The following PEX7 variants were observed in gnomAD, a reference collection of about 807,000 sequenced individuals.
PEX7 encodes the protein peroxisomal biogenesis factor 7.
Under a neutral mutation model 47.5 loss-of-function variants are expected in PEX7, and 34 were observed. The ratio of observed to expected loss-of-function variants is 0.72; its 90% CI spans 0.54 to 0.95. The LOEUF is 0.95. PEX7 is among the 40% of genes least tolerant of loss of function. PEX7 has a pLI of 0.00. For missense variants in PEX7, 394 were observed against 400.3 expected, an observed-to-expected ratio of 0.98 and a Z score of 0.13; for synonymous variants, 141 against 148.8, an observed-to-expected ratio of 0.95 and a Z score of 0.38.
chr6:136,847,103 C>T (rs1366424544), intron 5 of PEX7, among the ~76,000 whole-genome samples: 1 of 152,168 alleles, frequency 6.6e-6, no homozygotes, highest in African/African-American at 2.4e-5. Flanking sequence ...TGATGATGAG[C>T]ATTTTTTCAT....
At chr6:136,833,647 T>TA (rs1719151354) in intron 3 of PEX7, among the ~76,000 whole-genome samples, 1 of 152,254 alleles carries the variant, frequency 6.6e-6, no homozygotes. Context: ...TTATTACAAT[T>TA]GATAATAGCC....
chr6:136,829,878 A>G lies in PEX7; in HGVS notation c.339+3409A>G, dbSNP rs1774262659. 4.8e-6 allele frequency: 3 copies of G among 628,706 alleles called. No homozygotes were observed. In the South Asian group the frequency reaches 5.6e-5, roughly 12 times the overall value. The allele number at this position is 628,706 out of a possible 1,614,324, so 38.9% of individuals were successfully genotyped here. A position where few individuals can be genotyped will look rare whatever the true frequency, so the allele number is the denominator to read the frequency against. On this transcript the variant is annotated intron_variant, in intron 3 of 9. Coordinates refer to ENST00000318471, the MANE Select transcript of PEX7 (RefSeq NM_000288.4). ...TTTGAGCATGGGAGGTGGAGGTTGCAGTGAGCTGAGTTCGTGCCATTGCAC... is the reference window on the plus strand; with the variant it reads ...TTTGAGCATGGGAGGTGGAGGTTGCGGTGAGCTGAGTTCGTGCCATTGCAC...
chr6:136,833,842 T>G (rs1344405281), intron 3 of PEX7, among the ~76,000 whole-genome samples: 1 of 152,236 alleles, frequency 6.6e-6, no homozygotes, highest in Non-Finnish European at 1.5e-5. Flanking sequence ...TTTTAAAGTT[T>G]AGACTTGTAT....
At chr6:136,891,134 G>C (rs754626372) in intron 8 of PEX7, among the ~76,000 whole-genome samples, 1 of 152,136 alleles carries the variant, frequency 6.6e-6, no homozygotes, top group Non-Finnish European at 1.5e-5. Flanking sequence ...CAGCATCCCT[G>C]TGGATCTCTG....
chr6:136,884,963 C>T lies in PEX7; in HGVS notation c.803+12710C>T, dbSNP rs531479136. Among the ~76,000 whole-genome samples, 6 of 152,262 alleles carry T rather than the reference C, an allele frequency of 3.9e-5. No homozygotes were observed. In the East Asian group the frequency reaches 1.2e-3, roughly 29 times the overall value. On this transcript the variant is annotated intron_variant, in intron 8 of 9. Transcript: ENST00000318471. ...ATCATCGTAGATTTTAGCATATTAT[C>T]TTTTTCCTATATACTGTCCCTTAAG...
intron 5 of PEX7, among the ~76,000 whole-genome samples, chr6:136,860,276 C>T (rs76368904): frequency 0.014 from 2,093 of 152,094 alleles, 40 homozygotes; most frequent in African/African-American, 0.048. Flanking sequence ...AACAAAATGG[C>T]GAGGATGAAG....
intron 3 of PEX7, among the ~76,000 whole-genome samples, chr6:136,828,963 T>A (rs1245159795): frequency 6.6e-6 from 1 of 152,240 alleles, no homozygotes; most frequent in Non-Finnish European, 1.5e-5. Flanking sequence ...TTTAAATTTG[T>A]TTTGCGTACT....
intron 8 of PEX7, among the ~76,000 whole-genome samples, chr6:136,895,319 A>G (rs1021787261): frequency 8.5e-5 from 13 of 152,214 alleles, no homozygotes; most frequent in African/African-American, 2.7e-4. Flanking sequence ...ACCGTTTAGC[A>G]TTTGGTTTTC....
intron 5 of PEX7, among the ~76,000 whole-genome samples, chr6:136,861,904 T>C (rs1392770151): frequency 6.8e-6 from 1 of 146,114 alleles, no homozygotes; most frequent in African/African-American, 2.5e-5. Flanking sequence ...TTTATATATA[T>C]ATTCAGTGTA....
At position 136,866,731 on chromosome 6, in the gene PEX7, G is replaced by A. The variant is rs756697909; in HGVS notation, c.631G>A (p.Glu211Lys). The change falls in exon 6 of 10, where the codon GAG becomes AAG. Residue 211 changes from glutamate to lysine, a missense_variant and splice_region_variant. Physicochemically the swap from Glu to Lys is moderately conservative, Grantham distance 56. Transcript: ENST00000318471. ...GAGTTGTGACTGGTGTAAATACAAT[G>A]AGGTATAGTGTATGGCTCTATCCTA... ...ILSCDWCKYN[E>K]NLLVTGAVDC... The A allele has an allele frequency of 6.2e-7, 1 of 1,608,994 alleles. No homozygotes were observed. Among genetic ancestry groups the A allele is most frequent in the Non-Finnish European group, 8.5e-7 (1 of 1,175,458 alleles).
intron 3 of PEX7, among the ~76,000 whole-genome samples, chr6:136,842,502 T>C (rs1264988743): frequency 6.6e-6 from 1 of 152,192 alleles, no homozygotes; most frequent in African/African-American, 2.4e-5. Flanking sequence ...CCTGCAGTTT[T>C]AGAAGGTGAG....
chr6:136,823,117 G>A (rs1311687811), intron 1 of PEX7: 33 of 985,308 alleles, frequency 3.3e-5, no homozygotes, highest in South Asian at 2.8e-4. Flanking sequence ...AGGGAGAGCC[G>A]GGGGAGCCTG....
At position 136,822,805 on chromosome 6, in the gene PEX7, C is replaced by A. The variant is rs794726882; in HGVS notation, c.130+10C>A. ...CACTACGGCATCGCGGGTGAGGCGGCGCCGCGCAGCTGGGGCCGGGGGGCG... is the reference window on the plus strand; with the variant it reads ...CACTACGGCATCGCGGGTGAGGCGGAGCCGCGCAGCTGGGGCCGGGGGGCG... On this transcript the variant is annotated intron_variant, in intron 1 of 9. Transcript: ENST00000318471. The A allele has an allele frequency of 1.6e-5, 21 of 1,284,616 alleles. No individual in the cohort carries two copies. Among genetic ancestry groups the A allele is most frequent in the South Asian group, 5.1e-5 (2 of 39,340 alleles). 79.6% of individuals were successfully genotyped at this position (1,284,616 alleles called of 1,614,324 possible). A position where few individuals can be genotyped will look rare whatever the true frequency, so the allele number is the denominator to read the frequency against.
chr6:136,875,134 T>C (rs919422794), intron 8 of PEX7, among the ~76,000 whole-genome samples: 4 of 148,816 alleles, frequency 2.7e-5, no homozygotes, highest in African/African-American at 1.0e-4. Flanking sequence ...AGCAAAACTC[T>C]GTCTCAAAAA....
chr6:136,897,080 T>C (rs1775665009), intron 8 of PEX7, among the ~76,000 whole-genome samples: 1 of 152,224 alleles, frequency 6.6e-6, no homozygotes, highest in Admixed American at 6.5e-5. Context: ...ATGAGCTATT[T>C]ACTCATTGTT....
chr6:136,868,802 A>G (rs1018279005), intron 6 of PEX7, among the ~76,000 whole-genome samples: 4 of 151,856 alleles, frequency 2.6e-5, no homozygotes, highest in Admixed American at 2.0e-4. Flanking sequence ...GTGTGGACCC[A>G]GCACTTGTCC....
rs577524165 is a variant in PEX7, at chr6:136,852,794, GA to G, written c.526+6615del. Among the ~76,000 whole-genome samples, 76 of 35,140 alleles carry G rather than the reference GA, an allele frequency of 2.2e-3. 2 individuals carry two copies. The highest frequency in any genetic ancestry group is 8.7e-3 in the African/African-American group (72 of 8,236). 23.1% of individuals were successfully genotyped at this position (35,140 alleles called of 152,430 possible). On this transcript the variant is annotated intron_variant, in intron 5 of 9. Transcript: ENST00000318471. Reference sequence around the variant, plus strand: ...CAAGCTACCAATGACTTTCTTCACAGAATTGGAAAAAACTACTTTAAAGTTC... The same window carrying G: ...CAAGCTACCAATGACTTTCTTCACAGATTGGAAAAAACTACTTTAAAGTTC...
At chr6:136,912,996 A>G (rs762482532) in intron 9 of PEX7, among the ~76,000 whole-genome samples, 1 of 152,164 alleles carries the variant, frequency 6.6e-6, no homozygotes, top group Non-Finnish European at 1.5e-5. Flanking sequence ...TAGTCCCCCT[A>G]AGAGTCTCTG....
At chr6:136,855,080 T>G (rs1774834726) in intron 5 of PEX7, among the ~76,000 whole-genome samples, 1 of 149,926 alleles carries the variant, frequency 6.7e-6, no homozygotes, top group Non-Finnish European at 1.5e-5. Context: ...AGAGCAAGAC[T>G]GTCTCAAAAA....
Sources: gnomAD v4.1 joint callset for allele counts (sites outside exome capture counted in the v4.1 genomes callset) on GRCh38, gnomAD v4.1.1 for gene constraint, MANE v1.5 for transcripts, NCBI Gene and HGNC (gene_info 2026-07-23, HGNC 2026-07-21) for gene names.